MRGPRD: variants seen among roughly 807,000 people sequenced by gnomAD.
The protein encoded by MRGPRD is mas-related G protein-coupled receptor member D.
For synonymous variants in MRGPRD, 185 were observed against 183.9 expected (o/e 1.01, Z -0.05); for missense variants, 392 against 413.4 (o/e 0.95, Z 0.45).
chr11:68,980,176 C>T lies in MRGPRD; in HGVS notation c.811G>A (p.Ala271Thr), dbSNP rs760409878. 11 of 1,604,050 alleles carry T rather than the reference C, an allele frequency of 6.9e-6. No individual in the cohort carries two copies. In the East Asian group the frequency reaches 1.1e-4, roughly 16 times the overall value. The change falls in exon 1 of 1, where the codon GCC (alanine) becomes ACC (threonine). Residue 271 changes from alanine to threonine, a missense_variant. By Grantham distance (58) the Ala-to-Thr change is moderately conservative. Coordinates refer to ENST00000309106, the MANE Select transcript of MRGPRD (RefSeq NM_198923.2). The surrounding 1 kb of genome is among the most constrained non-coding windows in gnomAD (Gnocchi z 4.4). ...SRLSSSVSSSANPVIYFLVGS... is the reference protein window; with the variant it reads ...SRLSSSVSSSTNPVIYFLVGS... ...ACCAGGAAGTAGATGACGGGGTTGG[C>T]GCTGCTGCTTACGGACGAGGAGAGG...
In MRGPRD at chr11:68,980,132, G is replaced by A. The variant is rs1254690274; in HGVS notation, c.855C>T (p.His285=). 1 of 1,581,712 alleles carries A rather than the reference G, an allele frequency of 6.3e-7. No homozygotes were observed. Among genetic ancestry groups the A allele is most frequent in the African/African-American group, 1.4e-5 (1 of 72,792 alleles). ...TCCCCAGGGACCTGGTGGGCAGCCT[G>A]TGGCTCCTCCGGCTGCCCACCAGGA... ...IYFLVGSRRS[H]RLPTRSLGTV... Residue 285 remains histidine, a synonymous_variant, in exon 1 of 1, where the codon CAC becomes CAT. Transcript: ENST00000309106. This position sits in a 1 kb window ranked among gnomAD's most constrained non-coding sequence, Gnocchi z 4.4.
chr11:68,980,272 T>C lies in MRGPRD; in HGVS notation c.715A>G (p.Ile239Val). Reference sequence around the variant, plus strand: ...AACCAGTAGAGCACAAACCAGTAGATGCTCAGAGGCAGGGAACAGATGAGG... The same window carrying C: ...AACCAGTAGAGCACAAACCAGTAGACGCTCAGAGGCAGGGAACAGATGAGG... ...VFLICSLPLSIYWFVLYWLSL... is the reference protein window; with the variant it reads ...VFLICSLPLSVYWFVLYWLSL... The change falls in exon 1 of 1, where the codon ATC becomes GTC. Residue 239 changes from isoleucine to valine, a missense_variant. Coordinates refer to ENST00000309106, the MANE Select transcript of MRGPRD (RefSeq NM_198923.2). The surrounding 1 kb of genome is among the most constrained non-coding windows in gnomAD (Gnocchi z 4.4). 1 of 1,613,862 alleles carries C rather than the reference T, an allele frequency of 6.2e-7. No individual in the cohort carries two copies. Among genetic ancestry groups the C allele is most frequent in the Non-Finnish European group, 8.5e-7 (1 of 1,179,914 alleles).
rs1313076225 is a variant in MRGPRD, at chr11:68,980,180, G to A, written c.807C>T (p.Ser269=). ...SLSRLSSSVS[S]SANPVIYFLV... ...GGAAGTAGATGACGGGGTTGGCGCT[G>A]CTGCTTACGGACGAGGAGAGGCGTG... The change falls in exon 1 of 1, where the codon AGC becomes AGT. Residue 269 remains serine (S), a synonymous_variant. Coordinates refer to ENST00000309106, the MANE Select transcript of MRGPRD (RefSeq NM_198923.2). This position sits in a 1 kb window ranked among gnomAD's most constrained non-coding sequence, Gnocchi z 4.4. 1.9e-6 allele frequency: 3 copies of A among 1,604,848 alleles called. No individual in the cohort carries two copies. Among genetic ancestry groups the A allele is most frequent in the East Asian group, 4.5e-5 (2 of 44,808 alleles).
Position 68,980,109 on chromosome 11 carries a change from C to A in MRGPRD, c.878G>T (p.Gly293Val). 1 of 1,565,932 alleles carries A rather than the reference C, an allele frequency of 6.4e-7. No homozygotes were observed. The highest frequency in any genetic ancestry group is 8.6e-7 in the Non-Finnish European group (1 of 1,165,042). ...GCGAAGCGCCTGTTGGAGCACAGTC[C>A]CCAGGGACCTGGTGGGCAGCCTGTG... is the stretch of plus-strand genomic sequence containing the variant. ...RSHRLPTRSL[G>V]TVLQQALREE... is the part of the protein sequence containing the mutation. The change falls in exon 1 of 1, where the codon GGG becomes GTG. Residue 293 changes from glycine to valine, a missense_variant. Gly to Val is a moderately radical substitution (Grantham distance 109). Transcript: ENST00000309106. The surrounding 1 kb of genome is among the most constrained non-coding windows in gnomAD (Gnocchi z 4.4).
rs766196399 is a variant in MRGPRD, at chr11:68,980,268, T to C, written c.719A>G (p.Tyr240Cys). The change falls in exon 1 of 1, where the codon TAC (tyrosine) becomes TGC (cysteine). Residue 240 changes from tyrosine to cysteine, a missense_variant. Physicochemically the swap from Tyr to Cys is radical, Grantham distance 194. Coordinates refer to ENST00000309106, the MANE Select transcript of MRGPRD (RefSeq NM_198923.2). The surrounding 1 kb of genome is among the most constrained non-coding windows in gnomAD (Gnocchi z 4.4). Reference protein sequence around the residue: ...FLICSLPLSIYWFVLYWLSLP... With the variant: ...FLICSLPLSICWFVLYWLSLP... ...GCTCAACCAGTAGAGCACAAACCAG[T>C]AGATGCTCAGAGGCAGGGAACAGAT... 4 of 1,613,530 alleles carry C rather than the reference T, an allele frequency of 2.5e-6. No homozygotes were observed. The highest frequency in any genetic ancestry group is 2.2e-5 in the East Asian group (1 of 44,842).
At position 68,980,556 on chromosome 11, in the gene MRGPRD, C is replaced by G; in HGVS notation, c.431G>C (p.Trp144Ser). 1 of 1,614,058 alleles carries G rather than the reference C, an allele frequency of 6.2e-7. No individual in the cohort carries two copies. The highest frequency in any genetic ancestry group is 8.5e-7 in the Non-Finnish European group (1 of 1,179,958). Residue 144 changes from tryptophan (W) to serine (S), a missense_variant, in exon 1 of 1, where the codon TGG becomes TCG. Coordinates refer to ENST00000309106, the MANE Select transcript of MRGPRD (RefSeq NM_198923.2). This position sits in a 1 kb window ranked among gnomAD's most constrained non-coding sequence, Gnocchi z 4.4. ...KCHRPRHLSA[W>S]VCGLLWTLCL... ...GAGTGTCCACAGCAGGCCACACACC[C>G]AGGCTGACAGGTGCCTGGGCCGGTG... is the stretch of plus-strand genomic sequence containing the variant.
Position 68,980,207 on chromosome 11 carries a change from C to T in MRGPRD, c.780G>A (p.Leu260=). The change falls in exon 1 of 1, where the codon TTG becomes TTA. Residue 260 remains leucine (L), a synonymous_variant. Coordinates refer to ENST00000309106, the MANE Select transcript of MRGPRD (RefSeq NM_198923.2). This position sits in a 1 kb window ranked among gnomAD's most constrained non-coding sequence, Gnocchi z 4.4. ...TGCTTACGGACGAGGAGAGGCGTGA[C>T]AAGCTGAAGCACAGGACCTGCATCT... ...PPEMQVLCFS[L]SRLSSSVSSS... is the part of the protein sequence containing the mutation. The T allele has an allele frequency of 6.2e-7, 1 of 1,607,942 alleles. No individual in the cohort carries two copies. The highest frequency in any genetic ancestry group is 1.1e-5 in the South Asian group (1 of 90,110).
rs770319650 is a variant in MRGPRD, at chr11:68,980,045, C to T, written c.942G>A (p.Val314=). ...CTCAAGCCCCCATCTCATTGGTGCCCACGGTGGGCGTCTCCCCACCTTCCA... is the reference window on the plus strand; with the variant it reads ...CTCAAGCCCCCATCTCATTGGTGCCTACGGTGGGCGTCTCCCCACCTTCCA... The part of the protein sequence containing the change: ...PELEGGETPT[V]GTNEMGA Residue 314 remains valine, a synonymous_variant, in exon 1 of 1, where the codon GTG becomes GTA. Transcript: ENST00000309106. This position sits in a 1 kb window ranked among gnomAD's most constrained non-coding sequence, Gnocchi z 4.4. 2.6e-5 allele frequency: 40 copies of T among 1,514,570 alleles called. No individual in the cohort carries two copies. The highest frequency in any genetic ancestry group is 3.3e-5 in the Non-Finnish European group (38 of 1,135,684). 93.8% of individuals were successfully genotyped at this position (1,514,570 alleles called of 1,614,324 possible).
rs7926571 is a variant in MRGPRD at position 68,980,911 on chromosome 11, C to T, written c.76G>A (p.Ala26Thr). The T allele has an allele frequency of 6.7e-4, 1,084 of 1,612,416 alleles. 5 individuals are homozygous for T. In the African/African-American group the frequency reaches 0.012, roughly 17 times the overall value. ...GCCAGGGAGCTCAGCACCAGGTAGG[C>T]CGTGTGCACTGTGCTCCCTCTGGAA... ...NYSRGSTVHT[A>T]YLVLSSLAMF... is the part of the protein sequence containing the mutation. Residue 26 changes from alanine to threonine, a missense_variant, in exon 1 of 1, where the codon GCC becomes ACC. By Grantham distance (58) the Ala-to-Thr change is moderately conservative. Transcript: ENST00000309106. The surrounding 1 kb of genome is among the most constrained non-coding windows in gnomAD (Gnocchi z 4.4).
chr11:68,980,745 G>T lies in MRGPRD; in HGVS notation c.242C>A (p.Ser81Tyr), dbSNP rs1003945631. The T allele has an allele frequency of 4.5e-5, 72 of 1,613,526 alleles. No homozygotes were observed. The Admixed American group carries it at 7.8e-4, about 18-fold the overall frequency. Residue 81 changes from serine (S) to tyrosine (Y), a missense_variant, in exon 1 of 1, where the codon TCC becomes TAC. By Grantham distance (144) the Ser-to-Tyr change is moderately radical (BLOSUM62 -2). Transcript: ENST00000309106. The surrounding 1 kb of genome is among the most constrained non-coding windows in gnomAD (Gnocchi z 4.4). ...GGGCTGGGTTTCCAGGCTGAGCGTG[G>T]AAGCCATGCTGAAGAGGAAGAGGAG... ...ADLLFLFSMASTLSLETQPLV... is the reference protein window; with the variant it reads ...ADLLFLFSMAYTLSLETQPLV...
chr11:68,980,135 G>A lies in MRGPRD; in HGVS notation c.852C>T (p.Ser284=). 1.3e-6 allele frequency: 2 copies of A among 1,582,578 alleles called. No individual in the cohort carries two copies. Among genetic ancestry groups the A allele is most frequent in the Non-Finnish European group, 1.7e-6 (2 of 1,170,536 alleles). ...VIYFLVGSRR[S]HRLPTRSLGT... is the part of the protein sequence containing the mutation. ...CCAGGGACCTGGTGGGCAGCCTGTG[G>A]CTCCTCCGGCTGCCCACCAGGAAGT... is the stretch of plus-strand genomic sequence containing the variant. Residue 284 remains serine (S), a synonymous_variant, in exon 1 of 1, where the codon AGC becomes AGT. Coordinates refer to ENST00000309106, the MANE Select transcript of MRGPRD (RefSeq NM_198923.2). This position sits in a 1 kb window ranked among gnomAD's most constrained non-coding sequence, Gnocchi z 4.4.
At position 68,980,241 on chromosome 11, in the gene MRGPRD, A is replaced by G; in HGVS notation, c.746T>C (p.Leu249Pro). 1.2e-6 allele frequency: 2 copies of G among 1,612,450 alleles called. No individual in the cohort carries two copies. The highest frequency in any genetic ancestry group is 1.7e-6 in the Non-Finnish European group (2 of 1,179,416). Reference protein sequence around the residue: ...IYWFVLYWLSLPPEMQVLCFS... With the variant: ...IYWFVLYWLSPPPEMQVLCFS... ...GCACAGGACCTGCATCTCGGGCGGCAGGCTCAACCAGTAGAGCACAAACCA... is the reference window on the plus strand; with the variant it reads ...GCACAGGACCTGCATCTCGGGCGGCGGGCTCAACCAGTAGAGCACAAACCA... The change falls in exon 1 of 1, where the codon CTG becomes CCG. Residue 249 changes from leucine to proline, a missense_variant. Transcript: ENST00000309106. The surrounding 1 kb of genome is among the most constrained non-coding windows in gnomAD (Gnocchi z 4.4).
chr11:68,980,761 G>A lies in MRGPRD; in HGVS notation c.226C>T (p.Leu76Phe). The change falls in exon 1 of 1, where the codon CTC (leucine) becomes TTC (phenylalanine). Residue 76 changes from leucine to phenylalanine, a missense_variant. Physicochemically the swap from Leu to Phe is conservative, Grantham distance 22. Coordinates refer to ENST00000309106, the MANE Select transcript of MRGPRD (RefSeq NM_198923.2). The surrounding 1 kb of genome is among the most constrained non-coding windows in gnomAD (Gnocchi z 4.4). ...LNLAAADLLF[L>F]FSMASTLSLE... is the part of the protein sequence containing the mutation. ...CTGAGCGTGGAAGCCATGCTGAAGAGGAAGAGGAGGTCGGCTGCCGCCAGG... is the reference window on the plus strand; with the variant it reads ...CTGAGCGTGGAAGCCATGCTGAAGAAGAAGAGGAGGTCGGCTGCCGCCAGG... The A allele has an allele frequency of 6.2e-7, 1 of 1,613,790 alleles. No individual in the cohort carries two copies. The highest frequency in any genetic ancestry group is 8.5e-7 in the Non-Finnish European group (1 of 1,180,042).
Position 68,980,659 on chromosome 11 carries a change from T to G in MRGPRD, c.328A>C (p.Thr110Pro). 6.2e-7 allele frequency: 1 copy of G among 1,614,070 alleles called. No homozygotes were observed. Among genetic ancestry groups the G allele is most frequent in the Non-Finnish European group, 8.5e-7 (1 of 1,180,016 alleles). The change falls in exon 1 of 1, where the codon ACA becomes CCA. Residue 110 changes from threonine (T) to proline (P), a missense_variant. By Grantham distance (38) the Thr-to-Pro change is conservative. Transcript: ENST00000309106. This position sits in a 1 kb window ranked among gnomAD's most constrained non-coding sequence, Gnocchi z 4.4. Reference protein sequence around the residue: ...LMKRLMYFAYTVGLSLLTAIS... With the variant: ...LMKRLMYFAYPVGLSLLTAIS... ...GCCGTCAGCAGGCTCAGGCCCACTG[T>G]GTAGGCAAAGTACATCAGTCTCTTC...
chr11:68,980,026 C>T lies in MRGPRD; in HGVS notation c.961G>A (p.Ala321Thr). ...TPTVGTNEMG[A>T] Reference sequence around the variant, plus strand: ...GAAGCACCTGTGGGCGGCTCTCAAGCCCCCATCTCATTGGTGCCCACGGTG... The same window carrying T: ...GAAGCACCTGTGGGCGGCTCTCAAGTCCCCATCTCATTGGTGCCCACGGTG... Residue 321 changes from alanine (A) to threonine (T), a missense_variant, in exon 1 of 1, where the codon GCT (alanine) becomes ACT (threonine). Transcript: ENST00000309106. The surrounding 1 kb of genome is among the most constrained non-coding windows in gnomAD (Gnocchi z 4.4). 2.0e-6 allele frequency: 3 copies of T among 1,507,458 alleles called. No individual in the cohort carries two copies. Among genetic ancestry groups the T allele is most frequent in the Non-Finnish European group, 2.6e-6 (3 of 1,132,204 alleles). The allele number at this position is 1,507,458 out of a possible 1,614,324, so 93.4% of individuals were successfully genotyped here.
chr11:68,980,658 G>GT, the MRGPRD span: 2 of 1,614,090 alleles, frequency 1.2e-6, no homozygotes, highest in South Asian at 2.2e-5. The surrounding 1 kb of genome is among the most constrained non-coding windows in gnomAD (Gnocchi z 4.4). Context: ...CAGGCCCACT[G>GT]TGTAGGCAAA....
chr11:68,980,595 A>G lies in MRGPRD; in HGVS notation c.392T>C (p.Ile131Thr). ...TQRCLSVLFPIWFKCHRPRHL... is the reference protein window; with the variant it reads ...TQRCLSVLFPTWFKCHRPRHL... ...CCTGGGCCGGTGACACTTGAACCAG[A>G]TAGGGAAGAGGACAGAGAGACAGCG... Residue 131 changes from isoleucine to threonine, a missense_variant, in exon 1 of 1, where the codon ATC becomes ACC. By Grantham distance (89) the Ile-to-Thr change is moderately conservative. Coordinates refer to ENST00000309106, the MANE Select transcript of MRGPRD (RefSeq NM_198923.2). The surrounding 1 kb of genome is among the most constrained non-coding windows in gnomAD (Gnocchi z 4.4). 6.8e-6 allele frequency: 11 copies of G among 1,614,084 alleles called. No individual in the cohort carries two copies. Among genetic ancestry groups the G allele is most frequent in the Non-Finnish European group, 9.3e-6 (11 of 1,180,016 alleles).
chr11:68,980,624 G>C lies in MRGPRD; in HGVS notation c.363C>G (p.Thr121=). 1 of 1,614,108 alleles carries C rather than the reference G, an allele frequency of 6.2e-7. No homozygotes were observed. The highest frequency in any genetic ancestry group is 8.5e-7 in the Non-Finnish European group (1 of 1,180,022). ...GGAAGAGGACAGAGAGACAGCGCTG[G>C]GTGCTGATGGCCGTCAGCAGGCTCA... is the stretch of plus-strand genomic sequence containing the variant. The part of the protein sequence containing the change: ...VGLSLLTAIS[T]QRCLSVLFPI... The change falls in exon 1 of 1, where the codon ACC becomes ACG. Residue 121 remains threonine, a synonymous_variant. Transcript: ENST00000309106. This position sits in a 1 kb window ranked among gnomAD's most constrained non-coding sequence, Gnocchi z 4.4.
Position 68,980,914 on chromosome 11 carries a change from T to C in MRGPRD, c.73A>G (p.Thr25Ala). The C allele has an allele frequency of 6.2e-7, 1 of 1,611,446 alleles. No individual in the cohort carries two copies. Among genetic ancestry groups the C allele is most frequent in the Non-Finnish European group, 8.5e-7 (1 of 1,178,258 alleles). Reference protein sequence around the residue: ...LNYSRGSTVHTAYLVLSSLAM... With the variant: ...LNYSRGSTVHAAYLVLSSLAM... ...AGGGAGCTCAGCACCAGGTAGGCCG[T>C]GTGCACTGTGCTCCCTCTGGAATAG... Residue 25 changes from threonine to alanine, a missense_variant, in exon 1 of 1, where the codon ACG becomes GCG. Thr to Ala is a moderately conservative substitution (Grantham distance 58, BLOSUM62 0). Coordinates refer to ENST00000309106, the MANE Select transcript of MRGPRD (RefSeq NM_198923.2). This position sits in a 1 kb window ranked among gnomAD's most constrained non-coding sequence, Gnocchi z 4.4.
Sources: allele counts gnomAD v4.1 joint callset, GRCh38; gene constraint gnomAD v4.1.1; non-coding constraint Gnocchi (gnomAD v3.1); transcripts MANE v1.5; gene names NCBI Gene and HGNC (gene_info 2026-07-23, HGNC 2026-07-21).